PRR16: variants seen among roughly 807,000 people sequenced by gnomAD.
The protein encoded by PRR16 is proline rich 16, also known as protein Largen.
PRR16 carries 6 observed loss-of-function variants against 18.2 expected under a neutral mutation model. That is an observed-to-expected ratio of 0.33 (90% CI 0.18 to 0.65). PRR16 has a LOEUF of 0.65. Ranked by LOEUF, PRR16 falls within the 30% of genes least tolerant of loss-of-function variation. The probability of loss-of-function intolerance (pLI) is 0.74; values close to 1 mark genes in which losing one functional copy is unlikely to be tolerated. For missense variants in PRR16, 412 were observed against 376.6 expected, an observed-to-expected ratio of 1.09 and a Z score of -0.78; for synonymous variants, 151 against 147.8, an observed-to-expected ratio of 1.02 and a Z score of -0.16.
intron 1 of PRR16, among the ~76,000 whole-genome samples, chr5:120,510,163 A>G (rs1489567327): frequency 1.3e-5 from 2 of 152,122 alleles, no homozygotes; most frequent in Non-Finnish European, 2.9e-5. Flanking sequence ...TCATTAACTT[A>G]CTCTGACTTA....
chr5:120,554,165 G>C (rs1028811664), intron 1 of PRR16, among the ~76,000 whole-genome samples: 3 of 151,898 alleles, frequency 2.0e-5, no homozygotes, highest in African/African-American at 7.2e-5. Context: ...TGTCATCTAA[G>C]ATTTTGTAGG....
At chr5:120,627,827 T>C (rs1255981489) in intron 1 of PRR16, among the ~76,000 whole-genome samples, 1 of 152,160 alleles carries the variant, frequency 6.6e-6, no homozygotes, top group Non-Finnish European at 1.5e-5. Context: ...CCATTTCTTA[T>C]GGACTCAACA....
chr5:120,491,498 C>G (rs974851464), intron 1 of PRR16, among the ~76,000 whole-genome samples: 4 of 142,540 alleles, frequency 2.8e-5, no homozygotes, highest in African/African-American at 1.0e-4. Flanking sequence ...TTCCTTCCTT[C>G]CTTCTTTTCT....
At chr5:120,671,209 G>T (rs903234669) in intron 1 of PRR16, among the ~76,000 whole-genome samples, 2 of 152,024 alleles carry the variant, frequency 1.3e-5, no homozygotes, top group Non-Finnish European at 2.9e-5. Context: ...TTCTTTTACT[G>T]TGCATTTTAT....
chr5:120,645,813 CATT>C (rs1755573197), intron 1 of PRR16, among the ~76,000 whole-genome samples: 1 of 121,784 alleles, frequency 8.2e-6, no homozygotes, highest in South Asian at 2.8e-4. Context: ...CACTTCCAGG[CATT>C]ACATCTCGAA....
intron 1 of PRR16, among the ~76,000 whole-genome samples, chr5:120,684,408 A>G (rs547426775): frequency 1.3e-5 from 2 of 152,270 alleles, no homozygotes; most frequent in South Asian, 2.1e-4. Flanking sequence ...TTTGAGCCCA[A>G]TCCTGCCACC....
At chr5:120,637,841 AC>A (rs1156755266) in intron 1 of PRR16, among the ~76,000 whole-genome samples, 1 of 152,102 alleles carries the variant, frequency 6.6e-6, no homozygotes, top group Non-Finnish European at 1.5e-5. Context: ...CATCTCAACA[AC>A]AAAAAAAAGA....
intron 1 of PRR16, among the ~76,000 whole-genome samples, chr5:120,661,131 A>G (rs1044363125): frequency 6.6e-6 from 1 of 151,972 alleles, no homozygotes; most frequent in African/African-American, 2.4e-5. Context: ...TTGTCCTTTC[A>G]TGTTTTGGGA....
intron 1 of PRR16, among the ~76,000 whole-genome samples, chr5:120,492,572 T>G (rs1750096186): frequency 6.6e-6 from 1 of 152,190 alleles, no homozygotes; most frequent in African/African-American, 2.4e-5. Context: ...ATGTTTTACT[T>G]TTTAAAATTT....
chr5:120,719,160 ACTTTT>A, the PRR16 span, among the ~76,000 whole-genome samples: 1 of 152,068 alleles, frequency 6.6e-6, no homozygotes, highest in African/African-American at 2.4e-5. Context: ...ATTGTTATAT[ACTTTT>A]CTTGGGATAT....
intron 1 of PRR16, among the ~76,000 whole-genome samples, chr5:120,573,240 G>C (rs1308033961): frequency 6.6e-6 from 1 of 152,128 alleles, no homozygotes; most frequent in African/African-American, 2.4e-5. Flanking sequence ...GTTTCTGTTT[G>C]TCTCCCTCTC....
chr5:120,686,434 C>T lies in PRR16; in HGVS notation c.640C>T (p.His214Tyr), dbSNP rs758357154. The change falls in exon 2 of 2, where the codon CAT becomes TAT. Residue 214 changes from histidine (H) to tyrosine (Y), a missense_variant. Coordinates refer to ENST00000407149, the MANE Select transcript of PRR16 (RefSeq NM_001300783.2). ...TCGGTTTAATGAAAAAGTACAGTACCATGGCTATTGTCCTGACTGTGATAC... is the reference window on the plus strand; with the variant it reads ...TCGGTTTAATGAAAAAGTACAGTACTATGGCTATTGTCCTGACTGTGATAC... ...RVRFNEKVQY[H>Y]GYCPDCDTRY... The T allele has an allele frequency of 3.7e-6, 6 of 1,614,008 alleles. No homozygotes were observed. Among genetic ancestry groups the T allele is most frequent in the Non-Finnish European group, 4.2e-6 (5 of 1,180,022 alleles).
At chr5:120,522,040 A>G (rs542114347) in intron 1 of PRR16, among the ~76,000 whole-genome samples, 38 of 152,316 alleles carry the variant, frequency 2.5e-4, no homozygotes, top group African/African-American at 9.1e-4. Flanking sequence ...CATGGTGTAT[A>G]TGTGCCACAT....
chr5:120,499,510 G>A (rs1750376533), intron 1 of PRR16, among the ~76,000 whole-genome samples: 1 of 151,938 alleles, frequency 6.6e-6, no homozygotes, highest in African/African-American at 2.4e-5. Context: ...TCAATTCATG[G>A]ATTCTTCTGT....
chr5:120,541,078 G>T (rs1172053728), intron 1 of PRR16, among the ~76,000 whole-genome samples: 1 of 152,054 alleles, frequency 6.6e-6, no homozygotes, highest in Non-Finnish European at 1.5e-5. Flanking sequence ...TAGTATTTGA[G>T]GCAGGACAGA....
At chr5:120,552,013 A>G (rs1031279487) in intron 1 of PRR16, among the ~76,000 whole-genome samples, 1 of 151,936 alleles carries the variant, frequency 6.6e-6, no homozygotes, top group Admixed American at 6.6e-5. Flanking sequence ...CCATAAATAG[A>G]AGTGAGTGTT....
At chr5:120,727,050 A>G in the PRR16 span, among the ~76,000 whole-genome samples, 382 of 152,128 alleles carry the variant, frequency 2.5e-3, 3 homozygotes, top group Non-Finnish European at 1.9e-3. Context: ...TTTCAAGCCA[A>G]TGGCATCCAG....
intron 1 of PRR16, 147 bp from the exon 2 acceptor site, chr5:120,685,807 G>C (rs1757099203): frequency 1.3e-6 from 1 of 758,578 alleles, no homozygotes; most frequent in Non-Finnish European, 2.1e-6. Flanking sequence ...TAAATTTATT[G>C]ACTGAAAACA....
the PRR16 span, among the ~76,000 whole-genome samples, chr5:120,727,781 CAT>C: frequency 2.0e-5 from 3 of 151,970 alleles, no homozygotes; most frequent in South Asian, 2.1e-4. Flanking sequence ...AAACATGTAA[CAT>C]ATTCATGTTA....
Sources: allele counts gnomAD v4.1 joint callset (sites outside exome capture counted in the v4.1 genomes callset), GRCh38; gene constraint gnomAD v4.1.1; transcripts MANE v1.5; gene names NCBI Gene and HGNC (gene_info 2026-07-23, HGNC 2026-07-21).